The following CACNG4 variants were observed in gnomAD, a reference collection of about 807,000 sequenced individuals.
The protein encoded by CACNG4 is voltage-dependent calcium channel gamma-4 subunit.
In CACNG4, 8 loss-of-function variants were observed where a neutral mutation model predicts 22.9. The ratio of observed to expected loss-of-function variants is 0.35; its 90% CI spans 0.21 to 0.63. CACNG4 has a LOEUF of 0.63. Among genes scored for constraint, CACNG4 ranks in the 30% least tolerant of loss-of-function variants. The probability of loss-of-function intolerance (pLI) is 0.72; values close to 1 mark genes in which losing one functional copy is unlikely to be tolerated. For missense variants in CACNG4, 357 were observed against 455.4 expected (o/e 0.78, Z 1.97); for synonymous variants, 188 against 191.9 (o/e 0.98, Z 0.17).
chr17:67,013,441 G>A (rs540477437), intron 1 of CACNG4, among the ~76,000 whole-genome samples: 8 of 152,240 alleles, frequency 5.3e-5, no homozygotes, highest in African/African-American at 1.7e-4. Context: ...TTACTCTATC[G>A]CTCAGAAATA....
rs2143375783 is a variant in CACNG4, at chr17:67,027,711, C to A, written c.445+2711C>A. ...AGAAAACACAAAGCTAGGGAAGCAG[C>A]AAGAGAGAGATCAGAGGGGAGACAG... On this transcript the variant is annotated intron_variant, in intron 3 of 3. Transcript: ENST00000262138. This position sits in a 1 kb window ranked among gnomAD's most constrained non-coding sequence, Gnocchi z 4.3. Among the ~76,000 whole-genome samples the A allele has an allele frequency of 6.6e-6, 1 of 152,238 alleles. No individual in the cohort carries two copies. The highest frequency in any genetic ancestry group is 2.4e-5 in the African/African-American group (1 of 41,568).
rs537717687 is a variant in CACNG4 at position 66,968,045 on chromosome 17, C to T, written c.220+2914C>T. Among the ~76,000 whole-genome samples, 5 of 152,298 alleles carry T rather than the reference C, an allele frequency of 3.3e-5. No homozygotes were observed. The South Asian group carries it at 8.3e-4, about 25-fold the overall frequency. ...GTGTGCAGAGCCTTGTGCACATTACCGCGTGGCCTGCCCATGACAGCCCTG... is the reference window on the plus strand; with the variant it reads ...GTGTGCAGAGCCTTGTGCACATTACTGCGTGGCCTGCCCATGACAGCCCTG... On this transcript the variant is annotated intron_variant, in intron 1 of 3. Transcript: ENST00000262138.
intron 3 of CACNG4, among the ~76,000 whole-genome samples, chr17:67,029,125 G>A (rs771192030): frequency 7.2e-5 from 11 of 152,078 alleles, no homozygotes; most frequent in African/African-American, 7.2e-5. Context: ...GTAAGGTCCC[G>A]AGTTTGAGAC....
intron 1 of CACNG4, among the ~76,000 whole-genome samples, chr17:66,970,450 T>A (rs2035197039): frequency 6.6e-6 from 1 of 152,168 alleles, no homozygotes; most frequent in Admixed American, 6.5e-5. Flanking sequence ...TCCCTCTTCC[T>A]GGCTTGCAGA....
chr17:66,971,473 C>G (rs1281834140), intron 1 of CACNG4, among the ~76,000 whole-genome samples: 2 of 152,190 alleles, frequency 1.3e-5, no homozygotes, highest in Non-Finnish European at 2.9e-5. Context: ...ATGCAGGGCT[C>G]AGGGTCACAG....
chr17:67,002,618 TTCTCTCTCTC>T (rs58727233), intron 1 of CACNG4, among the ~76,000 whole-genome samples: 4 of 145,428 alleles, frequency 2.8e-5, no homozygotes, highest in Non-Finnish European at 6.1e-5. Context: ...ATCTCTCTCT[TTCTCTCTCTC>T]TCTCTCTCTC....
At chr17:67,029,216 C>T (rs1175660773) in intron 3 of CACNG4, among the ~76,000 whole-genome samples, 2 of 152,176 alleles carry the variant, frequency 1.3e-5, no homozygotes, top group African/African-American at 4.8e-5. Flanking sequence ...CCTGTAATCT[C>T]AGCTACTCAA....
At position 66,985,447 on chromosome 17, in the gene CACNG4, G is replaced by C. The variant is rs1354024776; in HGVS notation, c.220+20316G>C. The stretch of plus-strand genomic sequence containing the variant: ...AAAGCAAGAAAAGAAAGGAGTGTCA[G>C]GGTGAGGCTTGTGATGTTAGAGTGT... On this transcript the variant is annotated intron_variant, in intron 1 of 3. Coordinates refer to ENST00000262138, the MANE Select transcript of CACNG4 (RefSeq NM_014405.4). Among the ~76,000 whole-genome samples, 6 of 152,228 alleles carry C rather than the reference G, an allele frequency of 3.9e-5. No individual in the cohort carries two copies. The East Asian group carries it at 1.2e-3, about 29-fold the overall frequency.
At chr17:66,972,331 C>T (rs2035209558) in intron 1 of CACNG4, among the ~76,000 whole-genome samples, 1 of 152,170 alleles carries the variant, frequency 6.6e-6, no homozygotes. Context: ...CAGGGTTTCT[C>T]ACCTGTAGCA....
intron 1 of CACNG4, among the ~76,000 whole-genome samples, chr17:66,971,075 G>C (rs2035201301): frequency 6.6e-6 from 1 of 152,140 alleles, no homozygotes; most frequent in South Asian, 2.1e-4. Flanking sequence ...AGGGGGCCTG[G>C]TGGGCCTCTG....
intron 1 of CACNG4, among the ~76,000 whole-genome samples, chr17:66,969,974 T>C (rs751909463): frequency 5.9e-5 from 9 of 152,310 alleles, no homozygotes; most frequent in Non-Finnish European, 8.8e-5. Flanking sequence ...CAGGCACCCC[T>C]TCCCTGACGC....
At chr17:67,019,256 G>A (rs188670339) in intron 2 of CACNG4, among the ~76,000 whole-genome samples, 10 of 152,152 alleles carry the variant, frequency 6.6e-5, no homozygotes, top group Admixed American at 2.0e-4. Flanking sequence ...AGAACAGCAC[G>A]CGGTTCCCAT....
At chr17:67,000,497 C>T (rs531570410) in intron 1 of CACNG4, among the ~76,000 whole-genome samples, 1 of 152,230 alleles carries the variant, frequency 6.6e-6, no homozygotes, top group South Asian at 2.1e-4. Flanking sequence ...TGATCTGTGC[C>T]TGGGATTTCA....
intron 1 of CACNG4, among the ~76,000 whole-genome samples, chr17:67,012,375 C>A (rs1401552749): frequency 2.6e-5 from 4 of 152,158 alleles, no homozygotes; most frequent in African/African-American, 9.7e-5. Flanking sequence ...GCAACACGCC[C>A]AGCCTTCATC....
At chr17:66,966,591 G>A (rs2035172486) in intron 1 of CACNG4, among the ~76,000 whole-genome samples, 1 of 152,166 alleles carries the variant, frequency 6.6e-6, no homozygotes, top group African/African-American at 2.4e-5. Flanking sequence ...GCTTAGTGAA[G>A]TCAACTTGGC....
chr17:67,032,159 G>A lies in CACNG4; in HGVS notation c.*1155G>A, dbSNP rs938899108. ...ACCACCTAACAGGACGGAGTGGAGT[G>A]AGTTTGGATAAACGGACCGAGCTGG... On this transcript the variant is annotated 3_prime_UTR_variant, in exon 4 of 4. Transcript: ENST00000262138. 27 of 372,884 alleles carry A rather than the reference G, an allele frequency of 7.2e-5. No individual in the cohort carries two copies. Among genetic ancestry groups the A allele is most frequent in the African/African-American group, 5.3e-4 (25 of 47,182 alleles). 23.1% of individuals were successfully genotyped at this position (372,884 alleles called of 1,614,324 possible).
At chr17:67,021,247 G>A (rs1425636386) in intron 2 of CACNG4, among the ~76,000 whole-genome samples, 2 of 151,918 alleles carry the variant, frequency 1.3e-5, no homozygotes, top group Admixed American at 1.3e-4. Context: ...ACCAGGCACT[G>A]TATTAGACAT....
intron 1 of CACNG4, among the ~76,000 whole-genome samples, chr17:66,970,950 G>A (rs561572520): frequency 1.2e-4 from 18 of 152,270 alleles, no homozygotes; most frequent in African/African-American, 4.3e-4. Flanking sequence ...CAGACTCTGA[G>A]GATTTCCAGG....
intron 2 of CACNG4, among the ~76,000 whole-genome samples, chr17:67,023,732 C>T (rs975000229): frequency 6.6e-6 from 1 of 151,900 alleles, no homozygotes; most frequent in African/African-American, 2.4e-5. Context: ...CCACCATGCC[C>T]GGCTAATTTT....
Sources: gnomAD v4.1 joint callset for allele counts (sites outside exome capture counted in the v4.1 genomes callset) on GRCh38, gnomAD v4.1.1 for gene constraint, Gnocchi (gnomAD v3.1) non-coding constraint, MANE v1.5 for transcripts, NCBI Gene and HGNC (gene_info 2026-07-23, HGNC 2026-07-21) for gene names.